NLGN1: variants seen among roughly 807,000 people sequenced by gnomAD.
NLGN1 encodes the protein neuroligin-1.
A neutral mutation model predicts 65.5 loss-of-function variants in NLGN1; 12 were observed. The ratio of observed to expected loss-of-function variants is 0.18; its 90% confidence interval spans 0.12 to 0.30. The LOEUF (loss-of-function observed/expected upper bound fraction) is 0.30. NLGN1 is among the 10% of genes least tolerant of loss of function. The pLI, the probability that NLGN1 is intolerant of heterozygous loss-of-function variation, is 1.00. For synonymous variants in NLGN1, 350 were observed against 359.5 expected (o/e 0.97, Z 0.30); for missense variants, 750 against 1,007.1 (o/e 0.74, Z 3.46).
upstream of NLGN1, chr3:173,396,254 A>C (rs897599459): frequency 6.6e-6 from 1 of 152,080 alleles, no homozygotes; most frequent in Non-Finnish European, 1.5e-5. Flanking sequence ...TTTTATTTTT[A>C]ATTTTTTTCC....
chr3:173,809,650 C>A (rs1717456617), intron 4 of NLGN1, among the ~76,000 whole-genome samples: 1 of 152,106 alleles, frequency 6.6e-6, no homozygotes, highest in African/African-American at 2.4e-5. Flanking sequence ...GATTTCATAA[C>A]ATAAACTTTG....
chr3:174,213,166 T>C lies in NLGN1; in HGVS notation c.647-62149T>C, dbSNP rs73038824. Among the ~76,000 whole-genome samples, 859 of 152,348 alleles carry C rather than the reference T, an allele frequency of 5.6e-3. 7 individuals are homozygous for C. The highest frequency in any genetic ancestry group is 0.019 in the African/African-American group (806 of 41,574). On this transcript the variant is annotated intron_variant, in intron 4 of 6. Transcript: ENST00000457714. ...TTTCTGCCTATCACAAGAAGCATTA[T>C]GAAAATAATTGCTATGTTTCCCTCT...
intron 4 of NLGN1, among the ~76,000 whole-genome samples, chr3:173,968,687 CTTTTTTTTTTTTTTT>C (rs34662762): frequency 1.2e-4 from 7 of 59,446 alleles, no homozygotes; most frequent in African/African-American, 2.9e-4. Flanking sequence ...TGAAAATAAT[CTTTTTTTTTTTTTTT>C]TTTTTTTTTT....
At chr3:173,403,483 C>T (rs1718088290) in intron 1 of NLGN1, among the ~76,000 whole-genome samples, 1 of 152,062 alleles carries the variant, frequency 6.6e-6, no homozygotes, top group Admixed American at 6.6e-5. Flanking sequence ...ATGCTTTGCA[C>T]AAATAAAAAT....
chr3:173,914,139 A>G (rs1740235564), intron 4 of NLGN1, among the ~76,000 whole-genome samples: 1 of 152,142 alleles, frequency 6.6e-6, no homozygotes, highest in South Asian at 2.1e-4. Flanking sequence ...AGGTACTCCA[A>G]CAGCCATCTC....
chr3:174,170,216 C>A (rs1728260510), intron 4 of NLGN1, among the ~76,000 whole-genome samples: 1 of 150,388 alleles, frequency 6.6e-6, no homozygotes, highest in Admixed American at 6.6e-5. Context: ...AATCTATCAT[C>A]TTTGAAAAAA....
chr3:174,187,392 C>T (rs1193747922), intron 4 of NLGN1, among the ~76,000 whole-genome samples: 1 of 151,862 alleles, frequency 6.6e-6, no homozygotes, highest in Non-Finnish European at 1.5e-5. Flanking sequence ...AACCCAAAAC[C>T]CCTGGTGGAG....
At position 173,904,806 on chromosome 3, in the gene NLGN1, A is replaced by C. The variant is rs187566972; in HGVS notation, c.646+96974A>C. On this transcript the variant is annotated intron_variant, in intron 4 of 6. Transcript: ENST00000457714. ...CGGTGGTGATAAGATTTGACAGAAA[A>C]TGCCAACAGATACAGAACAAGAACA... is the stretch of plus-strand genomic sequence containing the variant. Among the ~76,000 whole-genome samples the C allele has an allele frequency of 1.5e-3, 228 of 152,276 alleles. 1 individual carries two copies. Among genetic ancestry groups the C allele is most frequent in the African/African-American group, 5.3e-3 (219 of 41,564 alleles).
chr3:173,913,559 G>A (rs1417530386), intron 4 of NLGN1, among the ~76,000 whole-genome samples: 1 of 152,202 alleles, frequency 6.6e-6, no homozygotes, highest in Non-Finnish European at 1.5e-5. Flanking sequence ...GACAGGGGCA[G>A]CTGGGTAAGT....
At chr3:173,446,222 C>G (rs113083918) in intron 2 of NLGN1, among the ~76,000 whole-genome samples, 3 of 52,494 alleles carry the variant, frequency 5.7e-5, no homozygotes, top group Admixed American at 5.0e-4. Flanking sequence ...CCCCTACCCC[C>G]ACCCCACAAC....
At chr3:173,601,814 T>C (rs1361271595) in intron 2 of NLGN1, among the ~76,000 whole-genome samples, 1 of 152,004 alleles carries the variant, frequency 6.6e-6, no homozygotes, top group Non-Finnish European at 1.5e-5. Flanking sequence ...TAAAAATATA[T>C]AGCAAAATAA....
chr3:174,104,723 A>G (rs1046117050), intron 4 of NLGN1, among the ~76,000 whole-genome samples: 1 of 152,190 alleles, frequency 6.6e-6, no homozygotes, highest in Non-Finnish European at 1.5e-5. Context: ...TCTTGCAGAT[A>G]AACAGGATTT....
chr3:173,632,231 A>G (rs1755803129), intron 3 of NLGN1, among the ~76,000 whole-genome samples: 1 of 152,308 alleles, frequency 6.6e-6, no homozygotes, highest in South Asian at 2.1e-4. Context: ...TGGGTTTAGT[A>G]TGCTGTACAT....
In NLGN1 at chr3:173,777,674, T is replaced by TATCC. The variant is rs1355699470; in HGVS notation, c.494-30001_494-29998dup. ...CTATCTATCTATCTATCTATCTATC[T>TATCC]ATCCATCCCATTTTTAGAAATCCAT... is the stretch of plus-strand genomic sequence containing the variant. On this transcript the variant is annotated intron_variant, in intron 3 of 6. Transcript: ENST00000457714. Among the ~76,000 whole-genome samples the TATCC allele has an allele frequency of 5.4e-5, 8 of 149,284 alleles. No individual in the cohort carries two copies. In the East Asian group the frequency reaches 7.9e-4, roughly 15 times the overall value.
intron 2 of NLGN1, among the ~76,000 whole-genome samples, chr3:173,570,743 A>G (rs1449696581): frequency 6.6e-6 from 1 of 152,184 alleles, no homozygotes; most frequent in Non-Finnish European, 1.5e-5. Context: ...TCACTCTGTC[A>G]CCCCAGCTGG....
intron 1 of NLGN1, among the ~76,000 whole-genome samples, chr3:173,404,291 G>T (rs1035003006): frequency 1.6e-4 from 24 of 152,074 alleles, no homozygotes; most frequent in African/African-American, 5.1e-4. Context: ...ATCTCTCTCT[G>T]TTTCAAAGCA....
At position 173,742,933 on chromosome 3, in the gene NLGN1, A is replaced by C. The variant is rs537895684; in HGVS notation, c.494-64747A>C. Among the ~76,000 whole-genome samples, 17 of 152,256 alleles carry C rather than the reference A, an allele frequency of 1.1e-4. 1 individual carries two copies. The highest frequency in any genetic ancestry group is 1.9e-4 in the Non-Finnish European group (13 of 68,000). ...GGGGGTTGTTTGTATTATGTCTATA[A>C]AATTATTTGCATGTACTTGTATTTA... On this transcript the variant is annotated intron_variant, in intron 3 of 6. Transcript: ENST00000457714.
chr3:173,417,359 A>G (rs1714012193), intron 1 of NLGN1, among the ~76,000 whole-genome samples: 1 of 151,900 alleles, frequency 6.6e-6, no homozygotes. Context: ...TCACTGATTA[A>G]AACTATTTTT....
intron 4 of NLGN1, among the ~76,000 whole-genome samples, chr3:173,850,315 A>G (rs1726655744): frequency 6.6e-6 from 1 of 152,184 alleles, no homozygotes; most frequent in South Asian, 2.1e-4. Context: ...TAATGACTAT[A>G]TGTATTGATG....
Sources: gnomAD v4.1 joint callset for allele counts (sites outside exome capture counted in the v4.1 genomes callset) on GRCh38, gnomAD v4.1.1 for gene constraint, MANE v1.5 for transcripts, NCBI Gene and HGNC (gene_info 2026-07-23, HGNC 2026-07-21) for gene names.